The following GABRG3 variants were observed in gnomAD, a reference collection of about 807,000 sequenced individuals.
GABRG3 encodes the protein gamma-aminobutyric acid type A receptor subunit gamma3, also known as gamma-aminobutyric acid receptor subunit gamma-3.
A neutral mutation model predicts 48.8 loss-of-function variants in GABRG3; 25 were observed. That is an observed-to-expected ratio of 0.51 (90% CI 0.37 to 0.72). The LOEUF (loss-of-function observed/expected upper bound fraction) is 0.72, where lower values mean the gene tolerates loss of function less well. GABRG3 is among the 30% of genes least tolerant of loss of function. The pLI, the probability that GABRG3 is intolerant of heterozygous loss-of-function variation, is 0.00. For synonymous variants in GABRG3, 227 were observed against 217.6 expected (o/e 1.04, Z -0.38); for missense variants, 394 against 577.9 (o/e 0.68, Z 3.26).
intron 2 of GABRG3, among the ~76,000 whole-genome samples, chr15:26,980,131 T>C (rs1295755091): frequency 6.6e-6 from 1 of 152,200 alleles, no homozygotes; most frequent in African/African-American, 2.4e-5. Context: ...CCTCATAATC[T>C]TTTGTGATGT....
intron 3 of GABRG3, among the ~76,000 whole-genome samples, chr15:27,096,224 C>G (rs889656133): frequency 6.6e-6 from 1 of 152,182 alleles, no homozygotes; most frequent in African/African-American, 2.4e-5. Context: ...ATTTATTGAG[C>G]ACAACTGTGT....
At chr15:27,077,882 C>T (rs73369685) in intron 3 of GABRG3, among the ~76,000 whole-genome samples, 1 of 152,164 alleles carries the variant, frequency 6.6e-6, no homozygotes, top group East Asian at 1.9e-4. Flanking sequence ...TTCTCAGCAT[C>T]ATCACAGCCC....
At chr15:27,132,479 T>G (rs1292965621) in intron 3 of GABRG3, among the ~76,000 whole-genome samples, 7 of 145,654 alleles carry the variant, frequency 4.8e-5, no homozygotes, top group African/African-American at 1.0e-4. Flanking sequence ...CAGTTTTTTT[T>G]TTTTTTTTTT....
At chr15:27,449,790 A>G (rs889151535) in intron 5 of GABRG3, among the ~76,000 whole-genome samples, 1 of 152,226 alleles carries the variant, frequency 6.6e-6, no homozygotes, top group Non-Finnish European at 1.5e-5. Flanking sequence ...ACGGCAGTCA[A>G]TTCAATTTGT....
At chr15:27,314,579 G>T (rs1204175737) in intron 3 of GABRG3, among the ~76,000 whole-genome samples, 1 of 152,162 alleles carries the variant, frequency 6.6e-6, no homozygotes, top group Admixed American at 6.5e-5. Context: ...CAGAAGCATT[G>T]AAATGAGGGT....
chr15:27,120,430 G>A (rs1487910381), intron 3 of GABRG3, among the ~76,000 whole-genome samples: 2 of 152,162 alleles, frequency 1.3e-5, no homozygotes, highest in African/African-American at 2.4e-5. Context: ...TATGTGTGAT[G>A]TTACTTCTTT....
intron 3 of GABRG3, chr15:27,271,448 G>A (rs1891084684): frequency 2.6e-5 from 11 of 429,684 alleles, no homozygotes; most frequent in South Asian, 1.8e-4. Flanking sequence ...GATGAATGAG[G>A]CCTAGACCAC....
At chr15:27,362,396 G>A (rs968348972) in intron 5 of GABRG3, 2 of 152,194 alleles carry the variant, frequency 1.3e-5, no homozygotes, top group Admixed American at 1.3e-4. Context: ...TGTCTGGGAG[G>A]TTCAGTTGTC....
At chr15:27,053,654 C>T (rs1896491393) in intron 3 of GABRG3, among the ~76,000 whole-genome samples, 1 of 152,088 alleles carries the variant, frequency 6.6e-6, no homozygotes, top group Non-Finnish European at 1.5e-5. Context: ...ATCATTCTAC[C>T]AAAACGACAT....
At chr15:27,192,048 T>G (rs1416102910) in intron 3 of GABRG3, among the ~76,000 whole-genome samples, 1 of 152,174 alleles carries the variant, frequency 6.6e-6, no homozygotes, top group Non-Finnish European at 1.5e-5. Context: ...ATGTTGAATA[T>G]TGGCCCCCAC....
chr15:27,394,850 ATT>A (rs905608189), intron 5 of GABRG3, among the ~76,000 whole-genome samples: 1 of 151,120 alleles, frequency 6.6e-6, no homozygotes, highest in African/African-American at 2.4e-5. Flanking sequence ...GTACTATGAG[ATT>A]TTTTTTTCTT....
At chr15:26,987,215 A>C (rs1895168630) in intron 2 of GABRG3, among the ~76,000 whole-genome samples, 1 of 152,188 alleles carries the variant, frequency 6.6e-6, no homozygotes, top group Non-Finnish European at 1.5e-5. Context: ...CCGAGATCAC[A>C]CCATAATTCA....
At chr15:27,361,910 G>A (rs934675730) in intron 5 of GABRG3, among the ~76,000 whole-genome samples, 14 of 152,114 alleles carry the variant, frequency 9.2e-5, no homozygotes, top group African/African-American at 3.1e-4. Flanking sequence ...TTATTTAGCT[G>A]ATGTTCAATA....
At chr15:27,223,388 C>T (rs1889511567) in intron 3 of GABRG3, among the ~76,000 whole-genome samples, 1 of 152,134 alleles carries the variant, frequency 6.6e-6, no homozygotes, top group Non-Finnish European at 1.5e-5. Context: ...TGATGAGTTT[C>T]AGTTCTTTGC....
intron 3 of GABRG3, among the ~76,000 whole-genome samples, chr15:27,159,417 G>A (rs1291816855): frequency 6.6e-6 from 1 of 151,892 alleles, no homozygotes; most frequent in African/African-American, 2.4e-5. Context: ...GGGAGGTGGA[G>A]ATTGCAGTGA....
intron 5 of GABRG3, among the ~76,000 whole-genome samples, chr15:27,351,398 G>T (rs536745544): frequency 1.1e-4 from 16 of 146,128 alleles, no homozygotes; most frequent in African/African-American, 4.1e-4. Context: ...TATGGTATAT[G>T]TGTGTATAGT....
At chr15:27,450,832 G>A (rs1037011276) in intron 5 of GABRG3, among the ~76,000 whole-genome samples, 1 of 152,076 alleles carries the variant, frequency 6.6e-6, no homozygotes, top group African/African-American at 2.4e-5. Flanking sequence ...CCCCCAAATT[G>A]TTAAAACTAA....
At chr15:27,168,342 C>T (rs1234360772) in intron 3 of GABRG3, among the ~76,000 whole-genome samples, 4 of 151,948 alleles carry the variant, frequency 2.6e-5, no homozygotes, top group Non-Finnish European at 4.4e-5. Flanking sequence ...CTCCACCACT[C>T]CCCAGCAGGC....
At chr15:27,361,499 G>A (rs1895022874) in intron 5 of GABRG3, among the ~76,000 whole-genome samples, 1 of 152,118 alleles carries the variant, frequency 6.6e-6, no homozygotes, top group Admixed American at 6.5e-5. Context: ...TATTTTCCTG[G>A]GTAAACGTCC....
Sources: gnomAD v4.1 joint callset for allele counts (sites outside exome capture counted in the v4.1 genomes callset) on GRCh38, gnomAD v4.1.1 for gene constraint, MANE v1.5 for transcripts, NCBI Gene and HGNC (gene_info 2026-07-23, HGNC 2026-07-21) for gene names.